TBC1D5: variants seen among roughly 807,000 people sequenced by gnomAD.
TBC1D5 encodes TBC1 domain family member 5.
A neutral mutation model predicts 100.3 loss-of-function variants in TBC1D5; 75 were observed. The observed-to-expected ratio is 0.75, with a 90% confidence interval of 0.62 to 0.91. The LOEUF is 0.91. Ranked by LOEUF, TBC1D5 falls within the 40% of genes least tolerant of loss-of-function variation. The pLI is 0.00. For synonymous variants in TBC1D5, 323 were observed against 325.6 expected, an observed-to-expected ratio of 0.99 and a Z score of 0.09; for missense variants, 910 against 942.4, an observed-to-expected ratio of 0.97 and a Z score of 0.45.
chr3:17,230,321 T>A (rs1261328870), intron 17 of TBC1D5, among the ~76,000 whole-genome samples: 1 of 152,172 alleles, frequency 6.6e-6, no homozygotes, highest in Non-Finnish European at 1.5e-5. Flanking sequence ...GAAAGTCACC[T>A]CCAAACAAAT....
intron 2 of TBC1D5, among the ~76,000 whole-genome samples, chr3:17,531,657 A>C (rs2096227680): frequency 6.6e-6 from 1 of 152,186 alleles, no homozygotes; most frequent in African/African-American, 2.4e-5. Flanking sequence ...ATGGAACAAA[A>C]CAGAGCCCTC....
At chr3:17,737,951 T>G (rs533220627) in intron 1 of TBC1D5, among the ~76,000 whole-genome samples, 25 of 152,186 alleles carry the variant, frequency 1.6e-4, no homozygotes, top group Non-Finnish European at 2.9e-4. Flanking sequence ...GGACAATGAC[T>G]GAATGACATT....
intron 1 of TBC1D5, among the ~76,000 whole-genome samples, chr3:17,736,456 T>G (rs2076972725): frequency 6.6e-6 from 1 of 152,128 alleles, no homozygotes; most frequent in South Asian, 2.1e-4. Flanking sequence ...ACTCTTACCT[T>G]TAGACTCTTG....
At chr3:17,680,482 C>T (rs2069299771) in intron 1 of TBC1D5, among the ~76,000 whole-genome samples, 2 of 151,386 alleles carry the variant, frequency 1.3e-5, no homozygotes, top group Non-Finnish European at 2.9e-5. Flanking sequence ...CTGCCTCAGC[C>T]TCCCAGAGTG....
chr3:17,639,271 C>T (rs2064270979), intron 1 of TBC1D5, among the ~76,000 whole-genome samples: 1 of 152,070 alleles, frequency 6.6e-6, no homozygotes, highest in Non-Finnish European at 1.5e-5. Context: ...ATAGGCACCA[C>T]AGACCAAATA....
intron 12 of TBC1D5, among the ~76,000 whole-genome samples, chr3:17,372,872 A>G (rs1227810459): frequency 6.6e-6 from 1 of 152,190 alleles, no homozygotes; most frequent in East Asian, 1.9e-4. Flanking sequence ...ATATTGGTAT[A>G]TGAAGAAATA....
intron 1 of TBC1D5, among the ~76,000 whole-genome samples, chr3:17,632,427 A>G (rs2063577431): frequency 6.6e-6 from 1 of 152,238 alleles, no homozygotes; most frequent in Non-Finnish European, 1.5e-5. Flanking sequence ...GATTTAGAAT[A>G]TTCCATAAAA....
At chr3:17,473,124 G>T (rs557295994) in intron 3 of TBC1D5, among the ~76,000 whole-genome samples, 1 of 151,848 alleles carries the variant, frequency 6.6e-6, no homozygotes, top group Non-Finnish European at 1.5e-5. Flanking sequence ...TAAATATCTC[G>T]GTCAAGTGCA....
At chr3:17,373,664 A>G (rs1294222439) in intron 12 of TBC1D5, among the ~76,000 whole-genome samples, 1 of 152,190 alleles carries the variant, frequency 6.6e-6, no homozygotes, top group Non-Finnish European at 1.5e-5. Flanking sequence ...ATATAATGCA[A>G]TATTTTTCAG....
chr3:17,294,736 C>A (rs2082082628), intron 14 of TBC1D5, among the ~76,000 whole-genome samples: 1 of 152,210 alleles, frequency 6.6e-6, no homozygotes, highest in Admixed American at 6.5e-5. Flanking sequence ...AGGAATATAA[C>A]AGCAAATAAG....
chr3:17,193,932 C>A (rs2070306535), intron 18 of TBC1D5, among the ~76,000 whole-genome samples: 1 of 152,162 alleles, frequency 6.6e-6, no homozygotes, highest in African/African-American at 2.4e-5. Context: ...TTGAAGCTTG[C>A]TTTATATGTA....
intron 15 of TBC1D5, among the ~76,000 whole-genome samples, chr3:17,277,139 C>T (rs997829920): frequency 4.6e-5 from 7 of 152,126 alleles, no homozygotes; most frequent in East Asian, 1.9e-4. Flanking sequence ...TTAAAGGAAA[C>T]GATCATTATA....
At chr3:17,599,131 C>G (rs1414802798) in intron 2 of TBC1D5, among the ~76,000 whole-genome samples, 1 of 152,276 alleles carries the variant, frequency 6.6e-6, no homozygotes, top group East Asian at 1.9e-4. Context: ...GAAAGTGATA[C>G]AGACAGGAGG....
At chr3:17,321,238 A>T (rs2150935471) in intron 13 of TBC1D5, among the ~76,000 whole-genome samples, 1 of 152,126 alleles carries the variant, frequency 6.6e-6, no homozygotes, top group African/African-American at 2.4e-5. Flanking sequence ...CAGTTACTTT[A>T]AAAAAACATT....
intron 1 of TBC1D5, among the ~76,000 whole-genome samples, chr3:17,732,897 C>T (rs974188260): frequency 1.4e-4 from 21 of 152,050 alleles, no homozygotes; most frequent in Middle Eastern, 3.2e-3. Flanking sequence ...AAGTGGAATA[C>T]ATGATTGCCA....
chr3:17,701,745 A>G lies in TBC1D5; in HGVS notation c.-101+37598T>C, dbSNP rs7650526. On this transcript the variant is annotated intron_variant, in intron 1 of 21. Coordinates refer to ENST00000253692, the Ensembl canonical transcript of TBC1D5. The stretch of plus-strand genomic sequence containing the variant: ...TGGAAGGTCTGAGATGCAAGAAAAA[A>G]CTGAGAGTAAAGATGCAGGTATATA... Among the ~76,000 whole-genome samples the G allele has an allele frequency of 1.8e-3, 273 of 152,292 alleles. 1 individual carries two copies. The highest frequency in any genetic ancestry group is 6.2e-3 in the African/African-American group (257 of 41,560).
At chr3:17,665,120 T>C (rs2067115840) in intron 1 of TBC1D5, 1 of 149,416 alleles carries the variant, frequency 6.7e-6, no homozygotes, top group South Asian at 2.2e-4. Context: ...CTTAGCCTCA[T>C]GCCCATGGTC....
At chr3:17,529,899 C>T (rs980746350) in intron 2 of TBC1D5, among the ~76,000 whole-genome samples, 4 of 152,028 alleles carry the variant, frequency 2.6e-5, no homozygotes, top group African/African-American at 7.2e-5. Flanking sequence ...TCTCAGATAA[C>T]GGGTTAACTA....
intron 18 of TBC1D5, among the ~76,000 whole-genome samples, chr3:17,194,694 A>G (rs1225477196): frequency 6.6e-6 from 1 of 152,230 alleles, no homozygotes; most frequent in Non-Finnish European, 1.5e-5. Context: ...TTTTCAGAAG[A>G]TATCTTTCTG....
Sources: allele counts gnomAD v4.1 joint callset (sites outside exome capture counted in the v4.1 genomes callset), GRCh38; gene constraint gnomAD v4.1.1; transcripts MANE v1.5; gene names NCBI Gene and HGNC (gene_info 2026-07-23, HGNC 2026-07-21).